Variants in EYS observed in about 807,000 individuals in gnomAD.
EYS encodes protein eyes shut homolog.
EYS carries 250 observed loss-of-function variants against 282.1 expected under a neutral mutation model. The ratio of observed to expected loss-of-function variants is 0.89; its 90% CI spans 0.80 to 0.98. The LOEUF (loss-of-function observed/expected upper bound fraction) is 0.98. Among genes scored for constraint, EYS ranks in the 50% least tolerant of loss-of-function variants. The probability of loss-of-function intolerance (pLI) is 0.00; values close to 1 mark genes in which losing one functional copy is unlikely to be tolerated. For synonymous variants in EYS, 1,355 were observed against 1,282.9 expected, an observed-to-expected ratio of 1.06 and a Z score of -1.20; for missense variants, 4,016 against 3,709.0, an observed-to-expected ratio of 1.08 and a Z score of -2.15.
intron 33 of EYS, among the ~76,000 whole-genome samples, chr6:64,026,309 G>C (rs969475834): frequency 6.6e-6 from 1 of 152,300 alleles, no homozygotes; most frequent in Admixed American, 6.5e-5. Context: ...TTCTTGGGCA[G>C]GGGGAAGAAA....
intron 15 of EYS, among the ~76,000 whole-genome samples, chr6:64,932,510 C>T (rs1226449875): frequency 3.3e-5 from 5 of 151,820 alleles, no homozygotes; most frequent in South Asian, 2.1e-4. Flanking sequence ...TTTAATAACT[C>T]GGGAATTAGA....
rs1432013342 is a variant in EYS at position 64,925,508 on chromosome 6, G to A, written c.2382-12765C>T. ...CCAAGGCCTCCTAATGAGCAAGGGT[G>A]GTGTGAATAATAGTGGTAGCAGAGG... On this transcript the variant is annotated intron_variant, in intron 15 of 42. Coordinates refer to ENST00000503581, the MANE Select transcript of EYS (RefSeq NM_001142800.2). 3.3e-5 allele frequency among the ~76,000 whole-genome samples: 5 copies of A among 152,132 alleles called. No individual in the cohort carries two copies. The East Asian group carries it at 9.7e-4, about 29-fold the overall frequency.
At chr6:64,451,697 G>C (rs1269838680) in intron 26 of EYS, among the ~76,000 whole-genome samples, 1 of 152,186 alleles carries the variant, frequency 6.6e-6, no homozygotes, top group East Asian at 1.9e-4. Context: ...ATGCAAGGCT[G>C]GTTCAACATA....
intron 12 of EYS, among the ~76,000 whole-genome samples, chr6:65,070,191 T>G (rs1381241839): frequency 1.3e-5 from 2 of 152,092 alleles, no homozygotes; most frequent in Non-Finnish European, 2.9e-5. Flanking sequence ...GCTTTCCTGC[T>G]TTGGGTCTTA....
chr6:63,995,126 G>A (rs368728453), intron 34 of EYS, among the ~76,000 whole-genome samples: 2 of 151,952 alleles, frequency 1.3e-5, no homozygotes, highest in Admixed American at 1.3e-4. Context: ...CCATATGTTT[G>A]ATAAGGAGTT....
intron 11 of EYS, chr6:65,303,539 G>C: frequency 1.1e-6 from 1 of 927,402 alleles, no homozygotes; most frequent in African/African-American, 1.9e-5. Context: ...CATGTCAGCT[G>C]ATCCAAATAA....
chr6:65,703,029 C>T (rs1468767260), intron 1 of EYS, among the ~76,000 whole-genome samples: 1 of 152,138 alleles, frequency 6.6e-6, no homozygotes, highest in Non-Finnish European at 1.5e-5. Flanking sequence ...GACTGAGGTC[C>T]TCTAAAAAGA....
chr6:65,005,790 T>G (rs1771627706), intron 13 of EYS, among the ~76,000 whole-genome samples: 1 of 119,026 alleles, frequency 8.4e-6, no homozygotes, highest in African/African-American at 2.6e-5. Flanking sequence ...TGTCCCGAAC[T>G]CCCGGCAGTA....
At chr6:63,791,577 CAAAAAAA>C in intron 37 of EYS, among the ~76,000 whole-genome samples, 1 of 52,740 alleles carries the variant, frequency 1.9e-5, no homozygotes, top group Admixed American at 2.1e-4. Context: ...GACTCCCTCT[CAAAAAAA>C]AAAAAAAAAA....
chr6:65,018,744 T>C (rs182585277), intron 13 of EYS, among the ~76,000 whole-genome samples: 40 of 152,252 alleles, frequency 2.6e-4, no homozygotes, highest in Middle Eastern at 3.4e-3. Flanking sequence ...CTTCTAATTG[T>C]TCTCTACTAA....
At chr6:65,469,867 T>C (rs1301297573) in intron 5 of EYS, among the ~76,000 whole-genome samples, 3 of 152,186 alleles carry the variant, frequency 2.0e-5, no homozygotes, top group Non-Finnish European at 4.4e-5. Context: ...TTTAAGTCCC[T>C]AGCTTTAGCC....
chr6:65,343,645 C>T (rs1034073387), intron 10 of EYS, among the ~76,000 whole-genome samples: 2 of 150,718 alleles, frequency 1.3e-5, no homozygotes, highest in African/African-American at 2.4e-5. Context: ...GTAGCTTGCT[C>T]GTGTAAGAGA....
intron 31 of EYS, among the ~76,000 whole-genome samples, chr6:64,200,255 G>C (rs1765422869): frequency 6.6e-6 from 1 of 152,032 alleles, no homozygotes; most frequent in South Asian, 2.1e-4. Flanking sequence ...TCTAATGGTG[G>C]ACACGTGACA....
In EYS at chr6:64,259,809, A is replaced by C. The variant is rs552414131; in HGVS notation, c.6192-28985T>G. On this transcript the variant is annotated intron_variant, in intron 30 of 42. Coordinates refer to ENST00000503581, the MANE Select transcript of EYS (RefSeq NM_001142800.2). ...TTTCTTTGACAGTCCCCTCTTTTGC[A>C]GATATAGAGTTATATTTCTAACTTT... Among the ~76,000 whole-genome samples, 53 of 151,926 alleles carry C rather than the reference A, an allele frequency of 3.5e-4. No homozygotes were observed. The East Asian group carries it at 5.3e-3, about 15-fold the overall frequency.
intron 33 of EYS, among the ~76,000 whole-genome samples, chr6:64,005,257 G>A (rs1167891880): frequency 6.6e-6 from 1 of 152,270 alleles, no homozygotes; most frequent in East Asian, 1.9e-4. Context: ...CCACAAGTAT[G>A]TCTTCTTTTG....
chr6:64,159,561 A>G (rs900481680), intron 31 of EYS, among the ~76,000 whole-genome samples: 2 of 18,782 alleles, frequency 1.1e-4, no homozygotes, highest in South Asian at 1.4e-3. Flanking sequence ...CTCTGTCTTA[A>G]AAAAAAAAAA....
intron 30 of EYS, among the ~76,000 whole-genome samples, chr6:64,298,001 T>TAAAAAAAAAAAAAAAAAAAAAA (rs1769097836): frequency 7.5e-6 from 1 of 134,036 alleles, no homozygotes; most frequent in African/African-American, 3.0e-5. Context: ...AAAAAAAAAT[T>TAAAAAAAAAAAAAAAAAAAAAA]AGGTAGAAAT....
intron 26 of EYS, among the ~76,000 whole-genome samples, chr6:64,497,577 T>C (rs1164551900): frequency 2.6e-5 from 4 of 152,016 alleles, no homozygotes; most frequent in African/African-American, 7.2e-5. Flanking sequence ...GGAAGAGGTA[T>C]TAGAATTAGA....
chr6:65,179,055 C>T (rs1351680664), intron 12 of EYS, among the ~76,000 whole-genome samples: 1 of 151,974 alleles, frequency 6.6e-6, no homozygotes, highest in Non-Finnish European at 1.5e-5. Flanking sequence ...GGGACACATT[C>T]AAAGCAATGT....
Sources: allele counts gnomAD v4.1 joint callset (sites outside exome capture counted in the v4.1 genomes callset), GRCh38; gene constraint gnomAD v4.1.1; transcripts MANE v1.5; gene names NCBI Gene and HGNC (gene_info 2026-07-23, HGNC 2026-07-21).